The following PKN3 variants were observed in gnomAD, a reference collection of about 807,000 sequenced individuals.
PKN3 encodes serine/threonine-protein kinase N3.
Under a neutral mutation model 113.1 loss-of-function variants are expected in PKN3, and 91 were observed. The observed-to-expected ratio is 0.80, with a 90% CI of 0.68 to 0.96. PKN3 has a LOEUF of 0.96. Among genes scored for constraint, PKN3 ranks in the 40% least tolerant of loss-of-function variants. The pLI is 0.00. For synonymous variants in PKN3, 467 were observed against 499.0 expected (o/e 0.94, Z 0.85); for missense variants, 1,052 against 1,202.2 (o/e 0.88, Z 1.85).
In PKN3 at chr9:128,720,274, A is replaced by G; in HGVS notation, c.2448A>G (p.Pro816=). ...EQDAEEIKVQ[P]FFRTTNWQAL... Reference sequence around the variant, plus strand: ...ATGCCGAGGAGATCAAGGTCCAGCCATTCTTCAGGGTGAGCGGCTGGGGTG... The same window carrying G: ...ATGCCGAGGAGATCAAGGTCCAGCCGTTCTTCAGGGTGAGCGGCTGGGGTG... Residue 816 remains proline, a synonymous_variant, in exon 21 of 22, where the codon CCA becomes CCG. Coordinates refer to ENST00000291906, the MANE Select transcript of PKN3 (RefSeq NM_013355.5). The surrounding 1 kb of genome is among the most constrained non-coding windows in gnomAD (Gnocchi z 5.5). The G allele has an allele frequency of 1.9e-6, 3 of 1,613,988 alleles. No homozygotes were observed. Among genetic ancestry groups the G allele is most frequent in the Non-Finnish European group, 2.5e-6 (3 of 1,179,982 alleles).
chr9:128,702,508 TG>T lies in PKN3; in HGVS notation c.-407del, dbSNP rs896139791. On this transcript the variant is annotated 5_prime_UTR_variant, in exon 1 of 22. Transcript: ENST00000291906. Reference sequence around the variant, plus strand: ...CAGGGGGCGCTGTTTCCCCCATCCCTGTCCCTAACTGGCCGGCTCCCGCGGG... The same window carrying T: ...CAGGGGGCGCTGTTTCCCCCATCCCTTCCCTAACTGGCCGGCTCCCGCGGG... 2 of 195,792 alleles carry T rather than the reference TG, an allele frequency of 1.0e-5. No homozygotes were observed. Among genetic ancestry groups the T allele is most frequent in the Non-Finnish European group, 2.0e-5 (2 of 97,606 alleles). The allele number at this position is 195,792 out of a possible 1,614,324, so 12.1% of individuals were successfully genotyped here.
At chr9:128,707,195 C>A (rs1027482728) in intron 5 of PKN3, 27 bp from the exon 6 acceptor site, 3 of 1,589,614 alleles carry the variant, frequency 1.9e-6, no homozygotes, top group African/African-American at 2.7e-5. Context: ...ACCCCACGAA[C>A]CTGGCTCTAC....
chr9:128,707,340 T>C lies in PKN3; in HGVS notation c.770T>C (p.Leu257Ser), dbSNP rs1418461555. 6.2e-7 allele frequency: 1 copy of C among 1,613,680 alleles called. No homozygotes were observed. The highest frequency in any genetic ancestry group is 8.5e-7 in the Non-Finnish European group (1 of 1,179,922). Residue 257 changes from leucine to serine, a missense_variant, in exon 6 of 22, where the codon TTG becomes TCG. Leu to Ser is a moderately radical substitution (Grantham distance 145). Transcript: ENST00000291906. The stretch of plus-strand genomic sequence containing the variant: ...TTGCGCAGCAGAGTGACCCGAGAGT[T>C]GCGGGCTGCGGTGCCTGGATACCCC... ...HPLRSRVTRELRAAVPGYPQP... is the reference protein window; with the variant it reads ...HPLRSRVTRESRAAVPGYPQP...
Position 128,715,051 on chromosome 9 carries a change from G to T in PKN3, c.1653-121G>T. 1 of 1,159,248 alleles carries T rather than the reference G, an allele frequency of 8.6e-7. No individual in the cohort carries two copies. The highest frequency in any genetic ancestry group is 1.3e-6 in the Non-Finnish European group (1 of 782,294). The allele number at this position is 1,159,248 out of a possible 1,614,324, so 71.8% of individuals were successfully genotyped here. A position where few individuals can be genotyped will look rare whatever the true frequency, so the allele number is the denominator to read the frequency against. On this transcript the variant is annotated intron_variant, in intron 13 of 21. Transcript: ENST00000291906. The surrounding 1 kb of genome is among the most constrained non-coding windows in gnomAD (Gnocchi z 4.1). ...CGGCTTCTAGGAGTCCTTACTGCAG[G>T]GCTTTTTCGAGCCCATAGGTCGGGA...
intron 6 of PKN3, chr9:128,709,853 G>C: frequency 6.6e-6 from 1 of 150,688 alleles, no homozygotes; most frequent in Non-Finnish European, 1.5e-5. Context: ...ATGAACCTGG[G>C]AGGCGGAGCT....
At chr9:128,710,368 C>T (rs1862141705) in intron 6 of PKN3, among the ~76,000 whole-genome samples, 1 of 152,052 alleles carries the variant, frequency 6.6e-6, no homozygotes, top group South Asian at 2.1e-4. Context: ...AGGCCAGTGC[C>T]TGTCTCCACA....
intron 6 of PKN3, among the ~76,000 whole-genome samples, chr9:128,708,551 G>A (rs1862087065): frequency 6.6e-6 from 1 of 151,204 alleles, no homozygotes; most frequent in Non-Finnish European, 1.5e-5. Flanking sequence ...AAGAAAAAAA[G>A]AAAGTTTTCT....
chr9:128,719,547 G>A (rs1053893339), intron 18 of PKN3, 139 bp from the exon 19 acceptor site: 27 of 871,450 alleles, frequency 3.1e-5, no homozygotes, highest in African/African-American at 1.7e-4. Context: ...GTCAAATGGC[G>A]TCATAACCAT....
At chr9:128,713,893 TC>T (rs1862257052) in intron 9 of PKN3, among the ~76,000 whole-genome samples, 152 bp from the exon 10 acceptor site, 1 of 152,180 alleles carries the variant, frequency 6.6e-6, no homozygotes, top group South Asian at 2.1e-4. Context: ...TCCACTAGTA[TC>T]AATGAGGACA....
At chr9:128,703,450 C>T (rs921295390) in intron 1 of PKN3, 60 of 985,198 alleles carry the variant, frequency 6.1e-5, no homozygotes, top group Non-Finnish European at 6.9e-5. Context: ...CCTCCCCCGC[C>T]CCAGGGCGGG....
In PKN3 at chr9:128,707,325, G is replaced by C. The variant is rs1254467284; in HGVS notation, c.755G>C (p.Arg252Thr). The change falls in exon 6 of 22, where the codon AGA (arginine) becomes ACA (threonine). Residue 252 changes from arginine (R) to threonine (T), a missense_variant. By Grantham distance (71) the Arg-to-Thr change is moderately conservative (BLOSUM62 -1). Around this residue, in one of 2 missense-constraint regions of PKN3, gnomAD observed 719 missense variants for 759.4 expected, o/e 0.95. Transcript: ENST00000291906. ...CCTCCTGCCCACCCTTTGCGCAGCA[G>C]AGTGACCCGAGAGTTGCGGGCTGCG... ...QLPPAHPLRS[R>T]VTRELRAAVP... 6.2e-7 allele frequency: 1 copy of C among 1,613,968 alleles called. No individual in the cohort carries two copies. The highest frequency in any genetic ancestry group is 1.1e-5 in the South Asian group (1 of 91,080).
In PKN3 at chr9:128,714,327, A is replaced by G; in HGVS notation, c.1443A>G (p.Pro481=). 1 of 1,609,036 alleles carries G rather than the reference A, an allele frequency of 6.2e-7. No homozygotes were observed. Among genetic ancestry groups the G allele is most frequent in the Non-Finnish European group, 8.5e-7 (1 of 1,177,322 alleles). Residue 481 remains proline (P), a synonymous_variant, in exon 11 of 22, where the codon CCA becomes CCG. Transcript: ENST00000291906. ...CCCCTAAAGGATGCCCTCGGACCCC[A>G]ACAACACTGCGAGAGGCCTCTGACC... is the stretch of plus-strand genomic sequence containing the variant. The part of the protein sequence containing the change: ...ISPPKGCPRT[P]TTLREASDPA...
At chr9:128,712,202 G>A (rs535546129) in intron 6 of PKN3, among the ~76,000 whole-genome samples, 7 of 152,160 alleles carry the variant, frequency 4.6e-5, no homozygotes, top group South Asian at 2.1e-4. Flanking sequence ...GAGCCACTGC[G>A]CCCGGCCGAG....
In PKN3 at chr9:128,715,391, G is replaced by A. The variant is rs1254250726; in HGVS notation, c.1739G>A (p.Gly580Glu). The A allele has an allele frequency of 2.5e-6, 4 of 1,614,036 alleles. No individual in the cohort carries two copies. In the Admixed American group the frequency reaches 5.0e-5, roughly 20 times the overall value. ...CAGGTCCTCCTGGTCCAGTTCAAGG[G>A]GACAGGGAAATACTACGCCATCAAA... Reference protein sequence around the residue: ...FGKVLLVQFKGTGKYYAIKAL... With the variant: ...FGKVLLVQFKETGKYYAIKAL... The change falls in exon 15 of 22, where the codon GGG (glycine) becomes GAG (glutamate). Residue 580 changes from glycine to glutamate, a missense_variant. Transcript: ENST00000291906. This position sits in a 1 kb window ranked among gnomAD's most constrained non-coding sequence, Gnocchi z 4.1.
Position 128,717,117 on chromosome 9 carries a change from CTTTTTTTTTTT to C in PKN3, c.1985+210_1985+220del, listed in dbSNP as rs34182369. ...GCTTATGAAGCTGTGCATTAGGTTT[CTTTTTTTTTTT>C]TTTTTTTTTTTTTTTGTGAGACAGA... On this transcript the variant is annotated intron_variant, in intron 16 of 21. Coordinates refer to ENST00000291906, the MANE Select transcript of PKN3 (RefSeq NM_013355.5). 7.8e-4 allele frequency among the ~76,000 whole-genome samples: 19 copies of C among 24,364 alleles called. 1 individual carries two copies. The highest frequency in any genetic ancestry group is 1.6e-3 in the Admixed American group (2 of 1,244). 16.0% of individuals were successfully genotyped at this position (24,364 alleles called of 152,430 possible). A position where few individuals can be genotyped will look rare whatever the true frequency, so the allele number is the denominator to read the frequency against.
intron 16 of PKN3, among the ~76,000 whole-genome samples, chr9:128,717,321 TTTC>T (rs1409062719): frequency 6.7e-6 from 1 of 149,940 alleles, no homozygotes; most frequent in Non-Finnish European, 1.5e-5. Context: ...AGAGACGAGG[TTTC>T]TCCATGTTGG....
In PKN3 at chr9:128,713,600, A is replaced by G. The variant is rs771504896; in HGVS notation, c.1194A>G (p.Gln398=). The G allele has an allele frequency of 9.2e-5, 148 of 1,613,758 alleles. 2 individuals are homozygous for G. In the South Asian group the frequency reaches 1.5e-3, roughly 16 times the overall value. ...ACTTCCTGGACAATGCCTGTCACCAACTGTCCCTCAGCCTGGTACCGCAGG... is the reference window on the plus strand; with the variant it reads ...ACTTCCTGGACAATGCCTGTCACCAGCTGTCCCTCAGCCTGGTACCGCAGG... The part of the protein sequence containing the change: ...LEDFLDNACH[Q]LSLSLVPQGL... Residue 398 remains glutamine (Q), a synonymous_variant, in exon 9 of 22, where the codon CAA becomes CAG. Transcript: ENST00000291906.
At position 128,706,755 on chromosome 9, in the gene PKN3, A is replaced by G. The variant is rs1424676728; in HGVS notation, c.454A>G (p.Ser152Gly). 1.2e-6 allele frequency: 2 copies of G among 1,606,410 alleles called. No homozygotes were observed. The highest frequency in any genetic ancestry group is 2.2e-5 in the East Asian group (1 of 44,704). ...AGCTGCCCAGCAGATGCTGCGGGAC[A>G]GCCAGCTGAAGGTGGCCCTGCTGCG... ...LAAAQQMLRD[S>G]QLKVALLRMK... is the part of the protein sequence containing the mutation. Residue 152 changes from serine (S) to glycine (G), a missense_variant, in exon 4 of 22, where the codon AGC becomes GGC. Ser to Gly is a moderately conservative substitution (Grantham distance 56). This residue lies in a region of PKN3 where 719 missense variants were observed against 759.4 expected (regional missense o/e 0.95). Coordinates refer to ENST00000291906, the MANE Select transcript of PKN3 (RefSeq NM_013355.5).
intron 18 of PKN3, among the ~76,000 whole-genome samples, chr9:128,719,325 G>A (rs1041992638): frequency 5.3e-5 from 8 of 151,296 alleles, no homozygotes; most frequent in Non-Finnish European, 1.2e-4. Context: ...GAGTACCTGC[G>A]ATTACAGGCA....
Sources: allele counts gnomAD v4.1 joint callset (sites outside exome capture counted in the v4.1 genomes callset), GRCh38; gene constraint gnomAD v4.1.1; regional missense constraint gnomAD v4.1.1; non-coding constraint Gnocchi (gnomAD v3.1); transcripts MANE v1.5; gene names NCBI Gene and HGNC (gene_info 2026-07-23, HGNC 2026-07-21).